MGAT4C: variants seen among roughly 807,000 people sequenced by gnomAD.
The protein encoded by MGAT4C is alpha-1,3-mannosyl-glycoprotein 4-beta-N-acetylglucosaminyltransferase C.
MGAT4C carries 19 observed loss-of-function variants against 40.1 expected under a neutral mutation model. That is an observed-to-expected ratio of 0.47 (90% confidence interval 0.33 to 0.70). The LOEUF (loss-of-function observed/expected upper bound fraction) is 0.70. MGAT4C is among the 30% of genes least tolerant of loss of function. MGAT4C has a pLI of 0.02. For synonymous variants in MGAT4C, 181 were observed against 187.1 expected (o/e 0.97, Z 0.27); for missense variants, 491 against 563.2 (o/e 0.87, Z 1.30).
chr12:86,175,235 G>A (rs1373988718), intron 1 of MGAT4C, among the ~76,000 whole-genome samples: 1 of 152,104 alleles, frequency 6.6e-6, no homozygotes, highest in African/African-American at 2.4e-5. Flanking sequence ...TATGCAAATA[G>A]TACTTGAGAG....
intron 2 of MGAT4C, among the ~76,000 whole-genome samples, chr12:86,726,833 A>G (rs1355528527): frequency 6.6e-6 from 1 of 152,166 alleles, no homozygotes; most frequent in Non-Finnish European, 1.5e-5. Context: ...TGTTGTCCAC[A>G]AAGGTGTAAA....
intron 1 of MGAT4C, among the ~76,000 whole-genome samples, chr12:86,077,006 T>C (rs532666867): frequency 7.9e-5 from 12 of 152,302 alleles, no homozygotes; most frequent in Middle Eastern, 6.8e-3. Context: ...TTTCACTTTT[T>C]TCTGCCTTCT....
intron 2 of MGAT4C, among the ~76,000 whole-genome samples, chr12:86,717,409 T>C (rs1950661856): frequency 6.6e-6 from 1 of 152,180 alleles, no homozygotes; most frequent in African/African-American, 2.4e-5. Flanking sequence ...CCTTTGTTCC[T>C]TTTCCATGAC....
rs778254453 is a variant in MGAT4C, at chr12:85,972,991, A to G, written c.*6298T>C. The G allele has an allele frequency of 6.6e-6, 1 of 150,974 alleles. No homozygotes were observed. Among genetic ancestry groups the G allele is most frequent in the Non-Finnish European group, 1.5e-5 (1 of 67,138 alleles). 9.4% of individuals were successfully genotyped at this position (150,974 alleles called of 1,614,324 possible). On this transcript the variant is annotated 3_prime_UTR_variant, in exon 5 of 5. Transcript: ENST00000611864. ...CTTAAACATTTTCCAATTGGAACATACTATAGACAAAACTGACAGATTATT... is the reference window on the plus strand; with the variant it reads ...CTTAAACATTTTCCAATTGGAACATGCTATAGACAAAACTGACAGATTATT...
intron 1 of MGAT4C, among the ~76,000 whole-genome samples, chr12:86,202,885 A>G (rs761382985): frequency 1.1e-4 from 17 of 151,894 alleles, no homozygotes; most frequent in South Asian, 8.3e-4. Context: ...ATATGTCCAA[A>G]TTTTTATTTA....
rs902284794 is a variant in MGAT4C, at chr12:86,661,493, T to G, written c.-229+65716A>C. On this transcript the variant is annotated intron_variant, in intron 2 of 7. Transcript: ENST00000548651. ...ACCAAATAACTACAAAATATAAAACTGTATGTTTTTTAAAGCTAGTAAAAC... is the reference window on the plus strand; with the variant it reads ...ACCAAATAACTACAAAATATAAAACGGTATGTTTTTTAAAGCTAGTAAAAC... Among the ~76,000 whole-genome samples, 10 of 152,194 alleles carry G rather than the reference T, an allele frequency of 6.6e-5. No homozygotes were observed. The East Asian group carries it at 1.9e-3, about 29-fold the overall frequency.
intron 1 of MGAT4C, among the ~76,000 whole-genome samples, chr12:86,110,285 A>AGTC (rs1565995887): frequency 9.0e-5 from 3 of 33,172 alleles, no homozygotes; most frequent in African/African-American, 2.9e-4. Flanking sequence ...TATAGTCTAT[A>AGTC]TATATATAGT....
At chr12:86,033,084 G>A (rs1267409869) in intron 2 of MGAT4C, among the ~76,000 whole-genome samples, 1 of 149,430 alleles carries the variant, frequency 6.7e-6, no homozygotes, top group Non-Finnish European at 1.5e-5. Context: ...TAGCTGTGCA[G>A]CATTATTTCT....
intron 1 of MGAT4C, among the ~76,000 whole-genome samples, chr12:86,821,619 T>G (rs1427903549): frequency 6.6e-6 from 1 of 150,992 alleles, no homozygotes; most frequent in Admixed American, 6.6e-5. Context: ...CTAATTGTAT[T>G]TTTGTACCCA....
At chr12:86,458,347 CA>C (rs1957543506) in intron 2 of MGAT4C, among the ~76,000 whole-genome samples, 1 of 152,136 alleles carries the variant, frequency 6.6e-6, no homozygotes, top group South Asian at 2.1e-4. Context: ...CTAAAGTTCT[CA>C]AAAGTGCAAT....
At chr12:86,138,469 A>C (rs1882295774) in intron 1 of MGAT4C, among the ~76,000 whole-genome samples, 4 of 146,560 alleles carry the variant, frequency 2.7e-5, no homozygotes, top group Admixed American at 1.4e-4. Context: ...ATATATTTCC[A>C]TATATATCCA....
chr12:86,565,207 A>G (rs1463614833), intron 2 of MGAT4C, among the ~76,000 whole-genome samples: 6 of 152,050 alleles, frequency 3.9e-5, no homozygotes, highest in Non-Finnish European at 7.4e-5. Context: ...TTCATCATCA[A>G]GTTGAAGTGG....
intron 1 of MGAT4C, chr12:86,068,308 C>T (rs903581657): frequency 1.1e-4 from 16 of 152,136 alleles, no homozygotes; most frequent in African/African-American, 3.9e-4. Context: ...TATCTCTAAA[C>T]TATCCTTTCC....
At chr12:86,434,676 T>A (rs941171332) in intron 3 of MGAT4C, among the ~76,000 whole-genome samples, 4 of 151,936 alleles carry the variant, frequency 2.6e-5, no homozygotes, top group Admixed American at 2.6e-4. Flanking sequence ...ATCCCCAGCT[T>A]TTCCAATTTT....
intron 2 of MGAT4C, chr12:86,028,260 C>T: frequency 1.0e-6 from 1 of 971,688 alleles, no homozygotes; most frequent in Non-Finnish European, 1.4e-6. Flanking sequence ...GCTCCTATTA[C>T]CTTCTCTTGC....
intron 1 of MGAT4C, among the ~76,000 whole-genome samples, chr12:86,103,033 G>C (rs1421484827): frequency 6.6e-6 from 1 of 152,086 alleles, no homozygotes; most frequent in Non-Finnish European, 1.5e-5. Context: ...ATTTTAAGAA[G>C]AAGAGCTGCA....
At chr12:86,501,171 A>G (rs1357116577) in intron 2 of MGAT4C, among the ~76,000 whole-genome samples, 1 of 152,038 alleles carries the variant, frequency 6.6e-6, no homozygotes, top group African/African-American at 2.4e-5. Flanking sequence ...ACATTACCCT[A>G]TACACAAAAA....
chr12:86,117,250 A>G (rs1878585219), intron 1 of MGAT4C, among the ~76,000 whole-genome samples: 1 of 152,180 alleles, frequency 6.6e-6, no homozygotes, highest in African/African-American at 2.4e-5. Flanking sequence ...CCACCTTCAT[A>G]CTGAAAAAAT....
intron 4 of MGAT4C, among the ~76,000 whole-genome samples, chr12:86,286,904 C>T (rs771253821): frequency 1.2e-4 from 18 of 152,112 alleles, no homozygotes; most frequent in Non-Finnish European, 2.5e-4. Context: ...CATGTTTCTG[C>T]AAAGGACAGG....
Sources: allele counts gnomAD v4.1 joint callset (sites outside exome capture counted in the v4.1 genomes callset), GRCh38; gene constraint gnomAD v4.1.1; transcripts MANE v1.5; gene names NCBI Gene and HGNC (gene_info 2026-07-23, HGNC 2026-07-21).